The following CWC25 variants were observed in gnomAD, a reference collection of about 807,000 sequenced individuals.
CWC25 encodes CWC25 spliceosome associated protein, also known as pre-mRNA-splicing factor CWC25 homolog.
CWC25 carries 31 observed loss-of-function variants against 54.6 expected under a neutral mutation model. The observed-to-expected ratio is 0.57, with a 90% CI of 0.43 to 0.77. CWC25 has a LOEUF of 0.77. Ranked by LOEUF, CWC25 falls within the 30% of genes least tolerant of loss-of-function variation. CWC25 has a pLI of 0.00. For synonymous variants in CWC25, 151 were observed against 187.0 expected (o/e 0.81, Z 1.57); for missense variants, 453 against 529.3 (o/e 0.86, Z 1.41).
Position 38,807,432 on chromosome 17 carries a change from ACTTAGTTAT to A in CWC25, c.691-465_691-457del, listed in dbSNP as rs1240395465. 7.6e-4 allele frequency among the ~76,000 whole-genome samples: 107 copies of A among 140,856 alleles called. 13 individuals carry two copies. Among genetic ancestry groups the A allele is most frequent in the African/African-American group, 2.1e-3 (83 of 38,762 alleles). 92.4% of individuals were successfully genotyped at this position (140,856 alleles called of 152,430 possible). ...AGAATTATCACAGAGAACTGTATAA[ACTTAGTTAT>A]CTGCAGAATCCCCTAAAAGAATCTC... On this transcript the variant is annotated intron_variant, in intron 6 of 9. Transcript: ENST00000614790.
rs182950901 is a variant in CWC25, at chr17:38,803,780, G to A, written c.1002-919C>T. On this transcript the variant is annotated intron_variant, in intron 8 of 9. Coordinates refer to ENST00000614790, the MANE Select transcript of CWC25 (RefSeq NM_017748.5). ...TTGCCAGGCACAGTGGCTCTAGCCC[G>A]TAATCCCAGCACTTTGGGAGGCTTA... 2.3e-4 allele frequency among the ~76,000 whole-genome samples: 35 copies of A among 151,054 alleles called. No individual in the cohort carries two copies. The East Asian group carries it at 3.7e-3, about 16-fold the overall frequency.
At position 38,821,159 on chromosome 17, in the gene CWC25, T is replaced by C. The variant is rs74813210; in HGVS notation, c.19-86A>G. 4.8e-4 allele frequency: 668 copies of C among 1,386,912 alleles called. 2 individuals are homozygous for C. The South Asian group carries it at 7.9e-3, about 16-fold the overall frequency. 85.9% of individuals were successfully genotyped at this position (1,386,912 alleles called of 1,614,324 possible). Reference sequence around the variant, plus strand: ...TAGCCCTGCCTCACCCACCCTTCCATACCCAAGGCAGGCGTGTGAGGGCAA... The same window carrying C: ...TAGCCCTGCCTCACCCACCCTTCCACACCCAAGGCAGGCGTGTGAGGGCAA... On this transcript the variant is annotated intron_variant, in intron 1 of 9. Transcript: ENST00000614790.
chr17:38,806,535 A>G (rs1911249098), intron 7 of CWC25, 140 bp from the exon 8 acceptor site: 2 of 804,970 alleles, frequency 2.5e-6, no homozygotes, highest in South Asian at 3.6e-5. Context: ...ATAGGGTTTG[A>G]TGTTAGACTC....
chr17:38,802,614 A>G, intron 9 of CWC25, 86 bp downstream of exon 9: 1 of 1,507,794 alleles, frequency 6.6e-7, no homozygotes, highest in Middle Eastern at 2.4e-4. Context: ...GTGCAAACAC[A>G]GAAACACTGG....
intron 2 of CWC25, among the ~76,000 whole-genome samples, chr17:38,818,360 G>A (rs1014105321): frequency 3.3e-5 from 5 of 151,710 alleles, no homozygotes; most frequent in African/African-American, 1.2e-4. Context: ...TTGGGAGGCC[G>A]AGGCGGGCGG....
At chr17:38,811,575 C>T (rs1490542120) in intron 4 of CWC25, among the ~76,000 whole-genome samples, 1 of 151,934 alleles carries the variant, frequency 6.6e-6, no homozygotes, top group Non-Finnish European at 1.5e-5. Flanking sequence ...TACTGAGACC[C>T]CTATCAGTCT....
At chr17:38,807,349 G>A (rs1214256348) in intron 6 of CWC25, among the ~76,000 whole-genome samples, 1 of 136,142 alleles carries the variant, frequency 7.3e-6, no homozygotes, top group Non-Finnish European at 1.6e-5. Context: ...AAAAGAAAAG[G>A]CAGTGAAACA....
At chr17:38,814,619 G>C (rs1391251730) in intron 3 of CWC25, among the ~76,000 whole-genome samples, 1 of 151,294 alleles carries the variant, frequency 6.6e-6, no homozygotes, top group Non-Finnish European at 1.5e-5. Context: ...GGTGGTGGGT[G>C]CCTGTAATCC....
chr17:38,810,648 A>G (rs1002480844), intron 4 of CWC25, 53 bp from the exon 5 acceptor site: 5 of 889,264 alleles, frequency 5.6e-6, no homozygotes, highest in Middle Eastern at 2.2e-4. Flanking sequence ...CAGCCAGCGC[A>G]GTGGCTCATG....
chr17:38,805,772 T>G (rs1233070288), intron 8 of CWC25, among the ~76,000 whole-genome samples: 1 of 152,108 alleles, frequency 6.6e-6, no homozygotes, highest in African/African-American at 2.4e-5. Flanking sequence ...GCGCTGAGAT[T>G]ACAAGCATGG....
Position 38,802,046 on chromosome 17 carries a change from G to A in CWC25, c.*46C>T. ...TATAAAGAGAATTAAGGGGTCAGCA[G>A]CTTCCCTGGAAAATGCAGGAAAACC... On this transcript the variant is annotated 3_prime_UTR_variant, in exon 10 of 10. Transcript: ENST00000614790. The A allele has an allele frequency of 7.9e-7, 1 of 1,259,770 alleles. No homozygotes were observed. The highest frequency in any genetic ancestry group is 1.2e-6 in the Non-Finnish European group (1 of 866,516). The allele number at this position is 1,259,770 out of a possible 1,614,324, so 78.0% of individuals were successfully genotyped here.
intron 8 of CWC25, among the ~76,000 whole-genome samples, chr17:38,806,091 C>A (rs1013253365): frequency 4.6e-5 from 7 of 152,172 alleles, no homozygotes; most frequent in African/African-American, 1.7e-4. Flanking sequence ...TGATTACAGG[C>A]GTGAGCCACC....
chr17:38,811,900 C>T (rs567058058), intron 4 of CWC25, among the ~76,000 whole-genome samples: 2 of 152,004 alleles, frequency 1.3e-5, no homozygotes, highest in East Asian at 1.9e-4. Context: ...GACACAATTA[C>T]ATAATATGTC....
At chr17:38,803,701 A>G (rs1008674353) in intron 8 of CWC25, among the ~76,000 whole-genome samples, 7 of 151,372 alleles carry the variant, frequency 4.6e-5, no homozygotes, top group African/African-American at 1.7e-4. Flanking sequence ...TAAATGAAAG[A>G]TATTAGAGCA....
chr17:38,818,576 G>A (rs1439695239), intron 2 of CWC25, among the ~76,000 whole-genome samples: 12 of 105,888 alleles, frequency 1.1e-4, no homozygotes, highest in African/African-American at 4.1e-4. Context: ...ACAACAGAGC[G>A]AGACTCCATC....
chr17:38,807,253 G>A (rs1235542158), intron 6 of CWC25, among the ~76,000 whole-genome samples: 2 of 141,354 alleles, frequency 1.4e-5, no homozygotes, highest in Middle Eastern at 3.5e-3. Flanking sequence ...AACTCAGGAG[G>A]TGGAGGTTGC....
chr17:38,809,871 G>T, intron 5 of CWC25, 106 bp from the exon 6 acceptor site: 1 of 1,009,038 alleles, frequency 9.9e-7, no homozygotes, highest in Non-Finnish European at 1.5e-6. Context: ...TGACCTTTCC[G>T]CCTCCCAGCA....
chr17:38,824,893 C>G (rs1413348480), intron 1 of CWC25, among the ~76,000 whole-genome samples: 16 of 152,100 alleles, frequency 1.1e-4, no homozygotes, highest in Non-Finnish European at 2.4e-4. Flanking sequence ...CCGCCCCCTC[C>G]CCGGTCTTCC....
At chr17:38,821,516 G>A (rs1024610810) in intron 1 of CWC25, among the ~76,000 whole-genome samples, 14 of 152,150 alleles carry the variant, frequency 9.2e-5, no homozygotes, top group Admixed American at 3.9e-4. Context: ...CCGAAACTGC[G>A]CTGCTGCACT....
Sources: allele counts gnomAD v4.1 joint callset (sites outside exome capture counted in the v4.1 genomes callset), GRCh38; gene constraint gnomAD v4.1.1; transcripts MANE v1.5; gene names NCBI Gene and HGNC (gene_info 2026-07-23, HGNC 2026-07-21).